Variants in RBM47 observed in about 807,000 individuals in gnomAD.
RBM47 encodes RNA binding motif protein 47.
Under a neutral mutation model 47.1 loss-of-function variants are expected in RBM47, and 21 were observed. That is an observed-to-expected ratio of 0.45 (90% confidence interval 0.32 to 0.64). The LOEUF (loss-of-function observed/expected upper bound fraction) is 0.64. RBM47 is among the 30% of genes least tolerant of loss of function. The pLI is 0.05. For synonymous variants in RBM47, 375 were observed against 361.7 expected (o/e 1.04, Z -0.42); for missense variants, 708 against 870.9 (o/e 0.81, Z 2.35).
chr4:40,429,012 A>T (rs576153588), intron 6 of RBM47, among the ~76,000 whole-genome samples: 2 of 152,300 alleles, frequency 1.3e-5, no homozygotes, highest in South Asian at 4.1e-4. Context: ...AATAACTCAT[A>T]AGTTTTAAAT....
intron 2 of RBM47, among the ~76,000 whole-genome samples, chr4:40,505,048 A>G (rs1377068028): frequency 6.6e-6 from 1 of 152,226 alleles, no homozygotes; most frequent in Non-Finnish European, 1.5e-5. Context: ...GCTATCAGTT[A>G]GGCACGGTGG....
intron 1 of RBM47, among the ~76,000 whole-genome samples, chr4:40,592,977 ATATTTTTT>A (rs1560493400): frequency 1.9e-3 from 25 of 13,154 alleles, no homozygotes; most frequent in Admixed American, 4.5e-3. Flanking sequence ...ATATATATAT[ATATTTTTT>A]TTTTTTTTTT....
chr4:40,604,714 T>TTTGTTGTTGCTG (rs1735592735), intron 1 of RBM47, among the ~76,000 whole-genome samples: 1 of 151,636 alleles, frequency 6.6e-6, no homozygotes, highest in Admixed American at 6.6e-5. Flanking sequence ...CACATGGCTC[T>TTTGTTGTTGCTG]TTGTTGTTGT....
At position 40,424,625 on chromosome 4, in the gene RBM47, A is replaced by T. The variant is rs1714772570; in HGVS notation, c.*1279T>A. The T allele has an allele frequency of 6.6e-6, 1 of 152,180 alleles. No individual in the cohort carries two copies. Among genetic ancestry groups the T allele is most frequent in the East Asian group, 1.9e-4 (1 of 5,198 alleles). The allele number at this position is 152,180 out of a possible 1,614,324, so 9.4% of individuals were successfully genotyped here. Reference sequence around the variant, plus strand: ...TCCTCCTCCTGGATGTGCACACCCCAATCCAGTTCACCCATCAAGTGCACA... The same window carrying T: ...TCCTCCTCCTGGATGTGCACACCCCTATCCAGTTCACCCATCAAGTGCACA... On this transcript the variant is annotated 3_prime_UTR_variant, in exon 7 of 7. Coordinates refer to ENST00000295971, the MANE Select transcript of RBM47 (RefSeq NM_001098634.2).
chr4:40,432,798 A>G lies in RBM47; in HGVS notation c.1395T>C (p.Ile465=), dbSNP rs1279548483. The change falls in exon 6 of 7, where the codon ATT becomes ATC. Residue 465 remains isoleucine (I), a synonymous_variant. Transcript: ENST00000295971. ...CCACTGTGTGGATTTTGCCATCTTC[A>G]ATCATTTTAGGGGCTGGAGCTGCTG... ...MFPAAPAPKM[I]EDGKIHTVEH... The G allele has an allele frequency of 6.2e-7, 1 of 1,613,828 alleles. No homozygotes were observed. Among genetic ancestry groups the G allele is most frequent in the East Asian group, 2.2e-5 (1 of 44,890 alleles).
chr4:40,441,557 C>G (rs1713658173), intron 3 of RBM47, among the ~76,000 whole-genome samples: 1 of 152,156 alleles, frequency 6.6e-6, no homozygotes, highest in Non-Finnish European at 1.5e-5. Flanking sequence ...ATGCCAGGTA[C>G]ATATATAAAT....
At chr4:40,575,869 T>C (rs1488279157) in intron 1 of RBM47, among the ~76,000 whole-genome samples, 2 of 152,212 alleles carry the variant, frequency 1.3e-5, no homozygotes, top group African/African-American at 2.4e-5. Flanking sequence ...TCTCACACAT[T>C]ACCAAGCTCC....
At chr4:40,553,155 T>C (rs1163645005) in intron 1 of RBM47, among the ~76,000 whole-genome samples, 1 of 149,346 alleles carries the variant, frequency 6.7e-6, no homozygotes, top group African/African-American at 2.5e-5. Flanking sequence ...TTTTTTTTTT[T>C]AATATGGAAT....
chr4:40,581,315 G>A (rs150050310), intron 1 of RBM47, among the ~76,000 whole-genome samples: 1 of 151,890 alleles, frequency 6.6e-6, no homozygotes, highest in Non-Finnish European at 1.5e-5. Context: ...CCAGCTACTC[G>A]AGAGGCTGAG....
chr4:40,431,552 G>A (rs1273689412), intron 6 of RBM47, among the ~76,000 whole-genome samples: 2 of 152,052 alleles, frequency 1.3e-5, no homozygotes, highest in African/African-American at 4.8e-5. Flanking sequence ...CAGCTACTCG[G>A]GAGGCTGAGG....
intron 4 of RBM47, 73 bp downstream of exon 4, chr4:40,437,698 G>T (rs920675288): frequency 7.0e-7 from 1 of 1,428,828 alleles, no homozygotes; most frequent in Non-Finnish European, 9.6e-7. Flanking sequence ...TGCCAGCCAC[G>T]GTATCCCTGG....
intron 3 of RBM47, among the ~76,000 whole-genome samples, chr4:40,457,849 T>C (rs1716531920): frequency 6.6e-6 from 1 of 152,198 alleles, no homozygotes; most frequent in African/African-American, 2.4e-5. Context: ...AACTTTTTGC[T>C]GGGTGTGCTG....
At chr4:40,540,670 A>G (rs41265715) in intron 2 of RBM47, among the ~76,000 whole-genome samples, 1 of 148,532 alleles carries the variant, frequency 6.7e-6, no homozygotes, top group African/African-American at 2.4e-5. Flanking sequence ...TAATAATAAT[A>G]ATAATAATAA....
intron 1 of RBM47, among the ~76,000 whole-genome samples, chr4:40,603,266 T>G (rs1331433613): frequency 2.0e-5 from 3 of 152,208 alleles, no homozygotes; most frequent in Non-Finnish European, 2.9e-5. Context: ...TAAGCACATT[T>G]TTGCATACCA....
intron 1 of RBM47, among the ~76,000 whole-genome samples, chr4:40,600,998 A>AAAAAAAAAAAAG (rs1735228812): frequency 6.6e-6 from 1 of 150,530 alleles, no homozygotes; most frequent in Non-Finnish European, 1.5e-5. Context: ...AAAAAAAAAA[A>AAAAAAAAAAAAG]AAAAGAAAGA....
intron 1 of RBM47, among the ~76,000 whole-genome samples, chr4:40,589,774 A>C (rs548298304): frequency 6.6e-6 from 1 of 152,366 alleles, no homozygotes; most frequent in Admixed American, 6.5e-5. Context: ...ATTGTACAAC[A>C]TATGAATAAT....
chr4:40,429,783 T>C (rs1715633747), intron 6 of RBM47, among the ~76,000 whole-genome samples: 1 of 151,382 alleles, frequency 6.6e-6, no homozygotes, highest in African/African-American at 2.4e-5. Context: ...CAGTTATCCT[T>C]GCTCTAACTA....
chr4:40,440,482 G>T (rs551057580), intron 3 of RBM47, among the ~76,000 whole-genome samples: 11 of 152,174 alleles, frequency 7.2e-5, no homozygotes, highest in African/African-American at 2.6e-4. Flanking sequence ...ATGTATACAA[G>T]AATATTAAGG....
At chr4:40,475,441 T>C (rs2154238946) in intron 2 of RBM47, among the ~76,000 whole-genome samples, 1 of 152,234 alleles carries the variant, frequency 6.6e-6, no homozygotes, top group South Asian at 2.1e-4. Flanking sequence ...TTCAAGCATA[T>C]AAAGTGAAAA....
Sources: allele counts gnomAD v4.1 joint callset (sites outside exome capture counted in the v4.1 genomes callset), GRCh38; gene constraint gnomAD v4.1.1; transcripts MANE v1.5; gene names NCBI Gene and HGNC (gene_info 2026-07-23, HGNC 2026-07-21).